PLEKHA7: variants seen among roughly 807,000 people sequenced by gnomAD.
PLEKHA7 encodes the protein pleckstrin homology domain-containing family A member 7.
Under a neutral mutation model 170.0 loss-of-function variants are expected in PLEKHA7, and 104 were observed. That is an observed-to-expected ratio of 0.61 (90% CI 0.52 to 0.72). PLEKHA7 has a LOEUF of 0.72. Among genes scored for constraint, PLEKHA7 ranks in the 30% least tolerant of loss-of-function variants. PLEKHA7 has a pLI of 0.00. For synonymous variants in PLEKHA7, 648 were observed against 660.8 expected, an observed-to-expected ratio of 0.98 and a Z score of 0.30; for missense variants, 1,615 against 1,671.7, an observed-to-expected ratio of 0.97 and a Z score of 0.59.
intron 9 of PLEKHA7, among the ~76,000 whole-genome samples, chr11:16,830,025 C>G (rs1850984945): frequency 6.6e-6 from 1 of 151,912 alleles, no homozygotes; most frequent in Admixed American, 6.6e-5. Context: ...GTCACCAAGG[C>G]TGGAATGCAC....
intron 3 of PLEKHA7, among the ~76,000 whole-genome samples, chr11:16,874,055 G>GA (rs1227929929): frequency 2.0e-5 from 3 of 152,108 alleles, no homozygotes; most frequent in Non-Finnish European, 4.4e-5. Context: ...CACCTGGAGG[G>GA]AAAAAAGCCC....
chr11:16,955,218 T>A (rs566809793), intron 3 of PLEKHA7, among the ~76,000 whole-genome samples: 1 of 152,266 alleles, frequency 6.6e-6, no homozygotes, highest in East Asian at 1.9e-4. Context: ...AGAGACTTGC[T>A]GAATGAATGA....
chr11:16,802,546 G>T (rs930391666), intron 15 of PLEKHA7, among the ~76,000 whole-genome samples: 5 of 145,990 alleles, frequency 3.4e-5, no homozygotes, highest in Non-Finnish European at 7.6e-5. Context: ...AAACACAAAG[G>T]CTTTTTTTTT....
intron 3 of PLEKHA7, among the ~76,000 whole-genome samples, chr11:16,936,804 G>C (rs1257429568): frequency 6.6e-6 from 1 of 152,242 alleles, no homozygotes; most frequent in Non-Finnish European, 1.5e-5. Context: ...TTGGAATGTA[G>C]CAGCTGTCAG....
Position 16,778,802 on chromosome 11 carries a change from G to A in PLEKHA7, c.*196C>T. ...AGTGCCTTTGCCATTCATATGTAGA[G>A]AGGAGTCTGAGCTAAACTAGTGGGT... On this transcript the variant is annotated 3_prime_UTR_variant, in exon 27 of 27. Transcript: ENST00000531066. The A allele has an allele frequency of 3.3e-6, 2 of 612,806 alleles. No homozygotes were observed. Among genetic ancestry groups the A allele is most frequent in the South Asian group, 1.9e-5 (1 of 52,680 alleles). The allele number at this position is 612,806 out of a possible 1,614,324, so 38.0% of individuals were successfully genotyped here. A position where few individuals can be genotyped will look rare whatever the true frequency, so the allele number is the denominator to read the frequency against.
chr11:16,911,943 C>A (rs1259730138), intron 3 of PLEKHA7, among the ~76,000 whole-genome samples: 1 of 152,176 alleles, frequency 6.6e-6, no homozygotes, highest in Non-Finnish European at 1.5e-5. Flanking sequence ...CCAGAGCACA[C>A]CCTGGTAACA....
chr11:16,914,616 G>A (rs190440372), intron 3 of PLEKHA7, among the ~76,000 whole-genome samples: 23 of 152,276 alleles, frequency 1.5e-4, no homozygotes, highest in African/African-American at 4.8e-4. Context: ...GAAAGGCAAG[G>A]GAGAAATGTG....
chr11:16,790,739 A>AAGGGTACG, intron 21 of PLEKHA7, 59 bp downstream of exon 21: 1 of 1,521,734 alleles, frequency 6.6e-7, no homozygotes, highest in Non-Finnish European at 9.0e-7. Context: ...GCACCAGCTG[A>AAGGGTACG]AGGCTGGAAG....
At chr11:16,813,573 G>C (rs1467894746) in intron 12 of PLEKHA7, among the ~76,000 whole-genome samples, 1 of 152,164 alleles carries the variant, frequency 6.6e-6, no homozygotes. Context: ...CTTTGGTCTG[G>C]ATCACTTCAC....
intron 24 of PLEKHA7, among the ~76,000 whole-genome samples, chr11:16,784,314 C>T (rs1849257182): frequency 6.6e-6 from 1 of 152,218 alleles, no homozygotes; most frequent in African/African-American, 2.4e-5. Flanking sequence ...CACCCCCTCA[C>T]TTTCCATTCA....
At chr11:16,787,977 A>G (rs1481504455) in intron 23 of PLEKHA7, 2 of 152,260 alleles carry the variant, frequency 1.3e-5, no homozygotes, top group South Asian at 2.1e-4. Flanking sequence ...CAGAAACACA[A>G]AAGGTTTTCC....
At chr11:16,841,445 A>G in intron 9 of PLEKHA7, 102 bp downstream of exon 9, 1 of 1,323,518 alleles carries the variant, frequency 7.6e-7, no homozygotes, top group Non-Finnish European at 1.0e-6. Context: ...GCAATGCTTA[A>G]TACAAGTGAG....
At chr11:16,916,743 C>T (rs1858714054) in intron 3 of PLEKHA7, among the ~76,000 whole-genome samples, 1 of 152,136 alleles carries the variant, frequency 6.6e-6, no homozygotes, top group Non-Finnish European at 1.5e-5. Flanking sequence ...TGCCAGTAAG[C>T]TCCACCTAGT....
chr11:16,918,708 C>A (rs1858867748), intron 3 of PLEKHA7, among the ~76,000 whole-genome samples: 1 of 152,112 alleles, frequency 6.6e-6, no homozygotes, highest in South Asian at 2.1e-4. Flanking sequence ...TAACATTAAC[C>A]ACACATTGCT....
intron 17 of PLEKHA7, among the ~76,000 whole-genome samples, chr11:16,796,899 T>A (rs966894173): frequency 2.0e-5 from 3 of 152,090 alleles, no homozygotes; most frequent in Non-Finnish European, 4.4e-5. Flanking sequence ...AACTCCCGGC[T>A]CCAAGTGATC....
chr11:16,930,688 TTCTG>T (rs1405176329), intron 3 of PLEKHA7, among the ~76,000 whole-genome samples: 1 of 152,230 alleles, frequency 6.6e-6, no homozygotes, highest in Non-Finnish European at 1.5e-5. Flanking sequence ...TTTACTGTTA[TTCTG>T]TCTATTAAAA....
chr11:16,869,186 C>T (rs1175964131), intron 4 of PLEKHA7, among the ~76,000 whole-genome samples: 1 of 152,222 alleles, frequency 6.6e-6, no homozygotes, highest in Non-Finnish European at 1.5e-5. Flanking sequence ...ACAAGACAAT[C>T]TTTACCTTCC....
intron 3 of PLEKHA7, among the ~76,000 whole-genome samples, chr11:16,945,097 A>G (rs1023439928): frequency 2.0e-5 from 3 of 151,896 alleles, no homozygotes; most frequent in African/African-American, 4.8e-5. Flanking sequence ...CACCATGCCC[A>G]GCTAATTTTT....
At chr11:17,011,277 T>C (rs1318458288) in intron 3 of PLEKHA7, among the ~76,000 whole-genome samples, 2 of 152,060 alleles carry the variant, frequency 1.3e-5, no homozygotes, top group Admixed American at 6.5e-5. Flanking sequence ...ATGGATCCCA[T>C]CCCTCTCACC....
Sources: allele counts gnomAD v4.1 joint callset (sites outside exome capture counted in the v4.1 genomes callset), GRCh38; gene constraint gnomAD v4.1.1; transcripts MANE v1.5; gene names NCBI Gene and HGNC (gene_info 2026-07-23, HGNC 2026-07-21).